The following NECTIN1 variants were observed in gnomAD, a reference collection of about 807,000 sequenced individuals.
NECTIN1 encodes nectin-1.
A neutral mutation model predicts 48.0 loss-of-function variants in NECTIN1; 23 were observed. The observed-to-expected ratio is 0.48, with a 90% CI of 0.34 to 0.68. The LOEUF (loss-of-function observed/expected upper bound fraction) is 0.68, where lower values mean the gene tolerates loss of function less well. Among genes scored for constraint, NECTIN1 ranks in the 30% least tolerant of loss-of-function variants. The pLI, the probability that NECTIN1 is intolerant of heterozygous loss-of-function variation, is 0.01. For missense variants in NECTIN1, 591 were observed against 709.9 expected (o/e 0.83, Z 1.90); for synonymous variants, 270 against 288.9 (o/e 0.93, Z 0.66).
intron 5 of NECTIN1, among the ~76,000 whole-genome samples, chr11:119,649,855 C>T (rs1254287353): frequency 6.6e-6 from 1 of 152,184 alleles, no homozygotes; most frequent in African/African-American, 2.4e-5. Context: ...CAGAGTTGGG[C>T]TACTCAGGAG....
At chr11:119,656,592 T>C (rs9888246), downstream of NECTIN1, among the ~76,000 whole-genome samples, 113,904 of 151,940 alleles carry the variant, frequency 0.75, 42,886 homozygotes, top group Admixed American at 0.79. Context: ...GGATGGTGGG[T>C]GTGAGCAGGA....
In NECTIN1 at chr11:119,662,334, T is replaced by C. The variant is rs78968779; in HGVS notation, c.*2413A>G. On this transcript the variant is annotated 3_prime_UTR_variant, in exon 6 of 6. Transcript: ENST00000264025. This position sits in a 1 kb window ranked among gnomAD's most constrained non-coding sequence, Gnocchi z 5.3. ...ATCCCTAGGTCCAAGTGCTGACTCC[T>C]GCCTCATGCCCACCCTCAGCCCAGG... 2.8e-3 allele frequency: 2,718 copies of C among 985,844 alleles called. 66 individuals carry two copies. The African/African-American group carries it at 0.043, about 16-fold the overall frequency. The allele number at this position is 985,844 out of a possible 1,614,324, so 61.1% of individuals were successfully genotyped here.
chr11:119,720,388 C>T lies in NECTIN1; in HGVS notation c.79+8087G>A, dbSNP rs557636159. Among the ~76,000 whole-genome samples, 39 of 152,394 alleles carry T rather than the reference C, an allele frequency of 2.6e-4. 1 individual carries two copies. In the South Asian group the frequency reaches 5.8e-3, roughly 23 times the overall value. ...CTCACAGGGGCACTCCACGAGCCCACGCAATCCTTCAGTCCCCCTTCCTCC... is the reference window on the plus strand; with the variant it reads ...CTCACAGGGGCACTCCACGAGCCCATGCAATCCTTCAGTCCCCCTTCCTCC... On this transcript the variant is annotated intron_variant, in intron 1 of 5. Transcript: ENST00000264025.
chr11:119,675,797 GGA>G (rs1864936312), intron 4 of NECTIN1: 2 of 179,058 alleles, frequency 1.1e-5, no homozygotes, highest in Non-Finnish European at 2.4e-5. Context: ...CACATGGTCA[GGA>G]GTTTGAGACC....
chr11:119,664,639 T>G lies in NECTIN1; in HGVS notation c.*108A>C. The G allele has an allele frequency of 2.8e-6, 4 of 1,409,282 alleles. No individual in the cohort carries two copies. The highest frequency in any genetic ancestry group is 3.7e-6 in the Non-Finnish European group (4 of 1,089,414). 87.3% of individuals were successfully genotyped at this position (1,409,282 alleles called of 1,614,324 possible). Reference sequence around the variant, plus strand: ...GAGTTCGGGGCTGGCTTTGGGCAGCTGGGCAAGTCTCTGTTCAGCTCCTGG... The same window carrying G: ...GAGTTCGGGGCTGGCTTTGGGCAGCGGGGCAAGTCTCTGTTCAGCTCCTGG... On this transcript the variant is annotated 3_prime_UTR_variant, in exon 6 of 6. Transcript: ENST00000264025.
rs1016206130 is a variant in NECTIN1 at position 119,673,417 on chromosome 11, C to T, written c.1003+1742G>A. On this transcript the variant is annotated intron_variant, in intron 5 of 5. Transcript: ENST00000264025. This position sits in a 1 kb window ranked among gnomAD's most constrained non-coding sequence, Gnocchi z 5.8. ...CTTCCAGCTGGGACCCTAGGTGGCCCGGCCCTCCTGCCCCCAGCCCACACC... is the reference window on the plus strand; with the variant it reads ...CTTCCAGCTGGGACCCTAGGTGGCCTGGCCCTCCTGCCCCCAGCCCACACC... Among the ~76,000 whole-genome samples the T allele has an allele frequency of 2.6e-5, 4 of 152,172 alleles. No homozygotes were observed. The highest frequency in any genetic ancestry group is 4.4e-5 in the Non-Finnish European group (3 of 68,010).
Position 119,709,008 on chromosome 11 carries a change from T to G in NECTIN1, c.79+19467A>C, listed in dbSNP as rs549294943. 6.6e-6 allele frequency among the ~76,000 whole-genome samples: 1 copy of G among 152,048 alleles called. No homozygotes were observed. The highest frequency in any genetic ancestry group is 1.9e-4 in the East Asian group (1 of 5,158). ...GGACTGATTCTGCCCAGGACTGATT[T>G]TGCTGGGGGAGGGGGCACCGGAGAG... On this transcript the variant is annotated intron_variant, in intron 1 of 5. Coordinates refer to ENST00000264025, the MANE Select transcript of NECTIN1 (RefSeq NM_002855.5). The surrounding 1 kb of genome is among the most constrained non-coding windows in gnomAD (Gnocchi z 4.1).
downstream of NECTIN1, among the ~76,000 whole-genome samples, chr11:119,660,333 G>A (rs1864639929): frequency 6.6e-6 from 1 of 152,032 alleles, no homozygotes; most frequent in Admixed American, 6.5e-5. Flanking sequence ...TGCTGGTGGG[G>A]AGAGCGGGGA....
intron 1 of NECTIN1, among the ~76,000 whole-genome samples, chr11:119,712,501 C>T (rs1361784329): frequency 1.3e-5 from 2 of 152,164 alleles, no homozygotes; most frequent in East Asian, 1.9e-4. Context: ...AGCCCCAGCA[C>T]GTGCAAGGCT....
At chr11:119,712,520 G>C (rs918784952) in intron 1 of NECTIN1, among the ~76,000 whole-genome samples, 1 of 152,254 alleles carries the variant, frequency 6.6e-6, no homozygotes, top group East Asian at 1.9e-4. Flanking sequence ...CTTAGGACGG[G>C]AGAGGGACCC....
chr11:119,639,929 C>T (rs1864299750), exon 6 of NECTIN1: 11 of 1,614,216 alleles, frequency 6.8e-6, no homozygotes, highest in South Asian at 1.1e-5. Flanking sequence ...ACAGTGAGCA[C>T]AGCAACTAGG....
rs1202226205 is a variant in NECTIN1, at chr11:119,677,812, G to T, written c.476C>A (p.Ala159Asp). ...WIEGTQAVLR[A>D]KKGQDDKVLV... Reference sequence around the variant, plus strand: ...GACCTTGTCATCCTGCCCCTTCTTGGCTCGAAGCACTGCCTGGGTACCCTC... The same window carrying T: ...GACCTTGTCATCCTGCCCCTTCTTGTCTCGAAGCACTGCCTGGGTACCCTC... The change falls in exon 3 of 6, where the codon GCC becomes GAC. Residue 159 changes from alanine to aspartate, a missense_variant. By Grantham distance (126) the Ala-to-Asp change is moderately radical. Coordinates refer to ENST00000264025, the MANE Select transcript of NECTIN1 (RefSeq NM_002855.5). This position sits in a 1 kb window ranked among gnomAD's most constrained non-coding sequence, Gnocchi z 5.4. 2 of 1,614,136 alleles carry T rather than the reference G, an allele frequency of 1.2e-6. No individual in the cohort carries two copies. Among genetic ancestry groups the T allele is most frequent in the Non-Finnish European group, 8.5e-7 (1 of 1,180,010 alleles).
chr11:119,721,056 C>T (rs548726703), intron 1 of NECTIN1, among the ~76,000 whole-genome samples: 7 of 152,274 alleles, frequency 4.6e-5, no homozygotes, highest in African/African-American at 1.7e-4. Context: ...AAGGCTGTTG[C>T]GAGGACTCCA....
chr11:119,728,219 T>G (rs1487744976), intron 1 of NECTIN1, among the ~76,000 whole-genome samples: 1 of 152,262 alleles, frequency 6.6e-6, no homozygotes, highest in Non-Finnish European at 1.5e-5. Flanking sequence ...TATTATTATT[T>G]TTTGTAAAGA....
rs1447047468 is a variant in NECTIN1 at position 119,728,745 on chromosome 11, C to A, written c.-192G>T. 1 of 453,802 alleles carries A rather than the reference C, an allele frequency of 2.2e-6. No homozygotes were observed. Among genetic ancestry groups the A allele is most frequent in the South Asian group, 4.2e-5 (1 of 23,908 alleles). 28.1% of individuals were successfully genotyped at this position (453,802 alleles called of 1,614,324 possible). On this transcript the variant is annotated 5_prime_UTR_variant, in exon 1 of 6. Transcript: ENST00000264025. ...GGCCGCAGTCCGGGCCCCGGGCCGC[C>A]GCCGGCTCAGAGGCTCGGCAGATGC... is the stretch of plus-strand genomic sequence containing the variant.
chr11:119,716,133 A>G (rs574884832), intron 1 of NECTIN1, among the ~76,000 whole-genome samples: 2 of 152,242 alleles, frequency 1.3e-5, no homozygotes, highest in Admixed American at 1.3e-4. Context: ...TGCCCAGGTG[A>G]TCATCTGGGT....
intron 1 of NECTIN1, among the ~76,000 whole-genome samples, chr11:119,714,394 G>C (rs770100669): frequency 2.2e-4 from 33 of 152,282 alleles, no homozygotes; most frequent in Non-Finnish European, 4.1e-4. Flanking sequence ...CAGGTGACAC[G>C]GGAGGCTGCC....
At position 119,728,772 on chromosome 11, in the gene NECTIN1, C is replaced by A; in HGVS notation, c.-219G>T. 1 of 442,206 alleles carries A rather than the reference C, an allele frequency of 2.3e-6. No individual in the cohort carries two copies. Among genetic ancestry groups the A allele is most frequent in the Non-Finnish European group, 4.0e-6 (1 of 251,142 alleles). The allele number at this position is 442,206 out of a possible 1,614,324, so 27.4% of individuals were successfully genotyped here. On this transcript the variant is annotated 5_prime_UTR_variant, in exon 1 of 6. Coordinates refer to ENST00000264025, the MANE Select transcript of NECTIN1 (RefSeq NM_002855.5). Reference sequence around the variant, plus strand: ...CCGGCTCAGAGGCTCGGCAGATGCCCGCCGCAAGTTGCACGAGTCATGCCC... The same window carrying A: ...CCGGCTCAGAGGCTCGGCAGATGCCAGCCGCAAGTTGCACGAGTCATGCCC...
At chr11:119,643,676 G>A (rs930906671) in intron 5 of NECTIN1, among the ~76,000 whole-genome samples, 1 of 152,320 alleles carries the variant, frequency 6.6e-6, no homozygotes, top group African/African-American at 2.4e-5. Flanking sequence ...GCCCCAGCCA[G>A]AACCCTGGCA....
Sources: gnomAD v4.1 joint callset for allele counts (sites outside exome capture counted in the v4.1 genomes callset) on GRCh38, gnomAD v4.1.1 for gene constraint, Gnocchi (gnomAD v3.1) non-coding constraint, MANE v1.5 for transcripts, NCBI Gene and HGNC (gene_info 2026-07-23, HGNC 2026-07-21) for gene names.